The following RSF1 variants were observed in gnomAD, a reference collection of about 807,000 sequenced individuals.
The protein encoded by RSF1 is HBV pX-associated protein 8.
Under a neutral mutation model 145.2 loss-of-function variants are expected in RSF1, and 13 were observed. The ratio of observed to expected loss-of-function variants is 0.09; its 90% CI spans 0.06 to 0.14. The LOEUF (loss-of-function observed/expected upper bound fraction) is 0.14. RSF1 is among the 10% of genes least tolerant of loss of function. The pLI is 1.00. For missense variants in RSF1, 1,517 were observed against 1,718.2 expected (o/e 0.88, Z 2.07); for synonymous variants, 577 against 592.6 (o/e 0.97, Z 0.38).
intron 2 of RSF1, among the ~76,000 whole-genome samples, chr11:77,756,917 G>A (rs1476518805): frequency 1.3e-5 from 2 of 152,148 alleles, no homozygotes; most frequent in South Asian, 2.1e-4. Context: ...AGAGACAATC[G>A]TAAACAAATA....
At chr11:77,686,076 A>C (rs1317672942) in intron 9 of RSF1, among the ~76,000 whole-genome samples, 1 of 152,090 alleles carries the variant, frequency 6.6e-6, no homozygotes, top group East Asian at 1.9e-4. Context: ...CCATAGTTTC[A>C]TTTCCAAGAA....
the RSF1 span, among the ~76,000 whole-genome samples, chr11:77,828,794 T>G: frequency 1.3e-5 from 2 of 152,222 alleles, no homozygotes; most frequent in Non-Finnish European, 2.9e-5. Context: ...TGCCAATACC[T>G]TTAAGTTGAA....
chr11:77,830,987 CAAAAAAAA>C, the RSF1 span, among the ~76,000 whole-genome samples: 10 of 100,516 alleles, frequency 9.9e-5, no homozygotes, highest in African/African-American at 1.1e-4. Flanking sequence ...CAAAATATAC[CAAAAAAAA>C]AAAAAAAAAA....
At chr11:77,788,142 C>CAAAAAAAAAAAAAAAA (rs66595170) in intron 1 of RSF1, among the ~76,000 whole-genome samples, 2 of 3,432 alleles carry the variant, frequency 5.8e-4, no homozygotes, top group Non-Finnish European at 9.4e-4. Context: ...GACACTATCT[C>CAAAAAAAAAAAAAAAA]AAAAAAAAAA....
At chr11:77,786,134 A>C (rs1175523072) in intron 1 of RSF1, among the ~76,000 whole-genome samples, 1 of 152,104 alleles carries the variant, frequency 6.6e-6, no homozygotes, top group Non-Finnish European at 1.5e-5. Context: ...TTGCCAGGTC[A>C]CACAAATATC....
chr11:77,682,705 A>AACAATCTAGTGATG (rs1349799949), intron 11 of RSF1, among the ~76,000 whole-genome samples: 1 of 152,244 alleles, frequency 6.6e-6, no homozygotes, highest in African/African-American at 2.4e-5. Context: ...CCTTCATGCT[A>AACAATCTAGTGATG]ACAATCTAGT....
At chr11:77,737,419 C>T (rs1457587642) in intron 4 of RSF1, among the ~76,000 whole-genome samples, 4 of 151,124 alleles carry the variant, frequency 2.6e-5, no homozygotes, top group Non-Finnish European at 5.9e-5. Context: ...CTGCACTCCA[C>T]ACTGCAGCCT....
chr11:77,747,273 T>C, intron 2 of RSF1, 145 bp from the exon 3 acceptor site: 3 of 531,366 alleles, frequency 5.6e-6, no homozygotes. Context: ...CACCCTAAAA[T>C]GCATACTACT....
chr11:77,792,850 G>A (rs1323499707), intron 1 of RSF1, among the ~76,000 whole-genome samples: 2 of 151,660 alleles, frequency 1.3e-5, no homozygotes, highest in Non-Finnish European at 2.9e-5. Flanking sequence ...CACCATTAAA[G>A]GGAATTCATT....
At chr11:77,734,315 G>C (rs1961284095) in intron 4 of RSF1, among the ~76,000 whole-genome samples, 2 of 151,168 alleles carry the variant, frequency 1.3e-5, no homozygotes, top group South Asian at 2.1e-4. Context: ...TTTTGGGGGG[G>C]GGTACCAAAT....
chr11:77,830,050 G>A, the RSF1 span: 1 of 152,244 alleles, frequency 6.6e-6, no homozygotes, highest in Non-Finnish European at 1.5e-5. Context: ...AAAATCACTT[G>A]AGCCCAGGAT....
intron 1 of RSF1, among the ~76,000 whole-genome samples, chr11:77,804,603 A>G (rs1210031914): frequency 6.6e-6 from 1 of 152,216 alleles, no homozygotes; most frequent in Non-Finnish European, 1.5e-5. Context: ...TTGGGAGGCC[A>G]AAGTGGGTGG....
At chr11:77,857,982 A>G in the RSF1 span, among the ~76,000 whole-genome samples, 13 of 152,142 alleles carry the variant, frequency 8.5e-5, no homozygotes, top group Admixed American at 8.5e-4. Context: ...GCGTGAGCCA[A>G]CGTGCCCGGC....
At chr11:77,729,715 C>T (rs1565162456) in intron 4 of RSF1, among the ~76,000 whole-genome samples, 2 of 151,630 alleles carry the variant, frequency 1.3e-5, no homozygotes, top group Non-Finnish European at 2.9e-5. Context: ...TATGTAATAT[C>T]TCCCTGTACC....
intron 1 of RSF1, among the ~76,000 whole-genome samples, chr11:77,787,066 T>C (rs1434090434): frequency 6.6e-6 from 1 of 151,966 alleles, no homozygotes; most frequent in Non-Finnish European, 1.5e-5. Flanking sequence ...CTGCAGAGAG[T>C]ACTCTGGAAA....
chr11:77,849,773 C>T, the RSF1 span, among the ~76,000 whole-genome samples: 1 of 152,138 alleles, frequency 6.6e-6, no homozygotes, highest in African/African-American at 2.4e-5. Context: ...TCTTTCTTTC[C>T]TCTGCACCTT....
At chr11:77,717,165 A>C (rs1030189668) in intron 5 of RSF1, among the ~76,000 whole-genome samples, 5 of 116,914 alleles carry the variant, frequency 4.3e-5, no homozygotes, top group African/African-American at 1.9e-4. Context: ...GCAAAAAAAA[A>C]ACAAAAACCA....
intron 14 of RSF1, among the ~76,000 whole-genome samples, chr11:77,674,134 G>T (rs1251871456): frequency 1.3e-5 from 2 of 151,944 alleles, no homozygotes; most frequent in African/African-American, 2.4e-5. Flanking sequence ...TTGTCCTTAG[G>T]AAATAATCAC....
intron 1 of RSF1, among the ~76,000 whole-genome samples, chr11:77,787,451 A>G (rs1409839587): frequency 6.6e-6 from 1 of 152,226 alleles, no homozygotes; most frequent in Non-Finnish European, 1.5e-5. Flanking sequence ...CTAAAAATAA[A>G]GTTCACAACC....
Sources: allele counts gnomAD v4.1 joint callset (sites outside exome capture counted in the v4.1 genomes callset), GRCh38; gene constraint gnomAD v4.1.1; transcripts MANE v1.5; gene names NCBI Gene and HGNC (gene_info 2026-07-23, HGNC 2026-07-21).